Variants in PPP2R2B observed in about 807,000 individuals in gnomAD.
PPP2R2B encodes the protein serine/threonine-protein phosphatase 2A 55 kDa regulatory subunit B beta isoform.
PPP2R2B carries 5 observed loss-of-function variants against 46.0 expected under a neutral mutation model. That is an observed-to-expected ratio of 0.11 (90% CI 0.06 to 0.23). The LOEUF is 0.23. PPP2R2B is among the 10% of genes least tolerant of loss of function. The pLI, the probability that PPP2R2B is intolerant of heterozygous loss-of-function variation, is 1.00. For synonymous variants in PPP2R2B, 215 were observed against 206.7 expected, an observed-to-expected ratio of 1.04 and a Z score of -0.34; for missense variants, 367 against 575.0, an observed-to-expected ratio of 0.64 and a Z score of 3.70.
At chr5:146,600,253 A>G (rs1157446362) in intron 8 of PPP2R2B, 38 bp downstream of exon 8, 1 of 1,592,656 alleles carries the variant, frequency 6.3e-7, no homozygotes. Context: ...TCATGAAGGG[A>G]ATGTTCAATA....
chr5:146,782,816 C>CAGG (rs71001404), intron 2 of PPP2R2B, among the ~76,000 whole-genome samples: 130,193 of 151,538 alleles, frequency 0.86, 56,006 homozygotes, highest in East Asian at 0.92. Flanking sequence ...GGAGAGGAAA[C>CAGG]AGAAGAAAGA....
At chr5:146,891,999 G>A (rs559019186) in intron 1 of PPP2R2B, among the ~76,000 whole-genome samples, 1 of 152,322 alleles carries the variant, frequency 6.6e-6, no homozygotes, top group South Asian at 2.1e-4. Flanking sequence ...AAGACTCATG[G>A]AGCGATTACC....
At chr5:146,730,976 T>G (rs1283074434) in intron 2 of PPP2R2B, among the ~76,000 whole-genome samples, 2 of 152,062 alleles carry the variant, frequency 1.3e-5, no homozygotes, top group African/African-American at 4.8e-5. Context: ...AGGCTCACAG[T>G]GGAAAGGGTT....
At chr5:146,846,210 C>T (rs902098710) in intron 2 of PPP2R2B, among the ~76,000 whole-genome samples, 1 of 151,084 alleles carries the variant, frequency 6.6e-6, no homozygotes. Flanking sequence ...CAAAACCCGT[C>T]TCTACAAGAA....
chr5:146,996,010 T>C (rs567080480), intron 1 of PPP2R2B, among the ~76,000 whole-genome samples: 1 of 152,290 alleles, frequency 6.6e-6, no homozygotes, highest in Admixed American at 6.5e-5. Context: ...AAACACTCAA[T>C]GACAATTTTT....
chr5:146,622,709 T>C (rs1773788354), intron 7 of PPP2R2B, among the ~76,000 whole-genome samples: 1 of 152,172 alleles, frequency 6.6e-6, no homozygotes, highest in Non-Finnish European at 1.5e-5. Context: ...TTCTGAAAAG[T>C]TGAGTTGGAA....
intron 1 of PPP2R2B, among the ~76,000 whole-genome samples, chr5:146,983,426 C>T (rs548513305): frequency 1.3e-5 from 2 of 152,020 alleles, no homozygotes; most frequent in South Asian, 2.1e-4. Flanking sequence ...GTGATCTGCC[C>T]GCCTTGGCCT....
At chr5:147,078,562 C>T (rs1254467371) in intron 2 of PPP2R2B, among the ~76,000 whole-genome samples, 4 of 151,936 alleles carry the variant, frequency 2.6e-5, no homozygotes, top group South Asian at 2.1e-4. Flanking sequence ...CCAAGGCAGG[C>T]GGATCACGAG....
chr5:146,924,902 G>A (rs1449146209), intron 1 of PPP2R2B, among the ~76,000 whole-genome samples: 1 of 152,114 alleles, frequency 6.6e-6, no homozygotes, highest in Non-Finnish European at 1.5e-5. Flanking sequence ...GTATTCCACG[G>A]TGTATATGTG....
At chr5:147,064,814 A>G (rs1757372076) in intron 2 of PPP2R2B, among the ~76,000 whole-genome samples, 1 of 152,214 alleles carries the variant, frequency 6.6e-6, no homozygotes, top group East Asian at 1.9e-4. Flanking sequence ...TTCCAGGATA[A>G]ATCATTTAAA....
At chr5:146,946,236 G>A (rs990494973) in intron 1 of PPP2R2B, among the ~76,000 whole-genome samples, 1 of 152,106 alleles carries the variant, frequency 6.6e-6, no homozygotes, top group Admixed American at 6.6e-5. Flanking sequence ...ACTTGAAGCA[G>A]TACCAGATGA....
At position 146,714,156 on chromosome 5, in the gene PPP2R2B, A is replaced by C. The variant is rs1241910406; in HGVS notation, c.71-13014T>G. ...GATAATAAGAAAATCAAAGAAACGT[A>C]ATGTCCTGGAAACCAAGTGAAGTTC... On this transcript the variant is annotated intron_variant, in intron 2 of 9. Transcript: ENST00000394411. Among the ~76,000 whole-genome samples the C allele has an allele frequency of 2.6e-5, 4 of 152,272 alleles. No individual in the cohort carries two copies. The East Asian group carries it at 7.7e-4, about 29-fold the overall frequency.
intron 2 of PPP2R2B, among the ~76,000 whole-genome samples, chr5:147,063,274 G>A (rs112998873): frequency 0.039 from 5,946 of 152,120 alleles, 171 homozygotes; most frequent in African/African-American, 0.079. Context: ...GAATTTGCAC[G>A]TGTGAAGATA....
intron 2 of PPP2R2B, among the ~76,000 whole-genome samples, chr5:147,077,047 T>C (rs971781873): frequency 6.7e-6 from 1 of 148,498 alleles, no homozygotes; most frequent in African/African-American, 2.5e-5. Context: ...GGTAATGGCC[T>C]GATATATATA....
intron 2 of PPP2R2B, among the ~76,000 whole-genome samples, chr5:147,074,129 A>G (rs919810345): frequency 5.3e-5 from 8 of 152,192 alleles, no homozygotes; most frequent in African/African-American, 1.9e-4. Flanking sequence ...CTCTAGAGGT[A>G]GAATCTAGTA....
At chr5:146,759,629 T>A (rs756261897) in intron 2 of PPP2R2B, among the ~76,000 whole-genome samples, 1 of 152,162 alleles carries the variant, frequency 6.6e-6, no homozygotes, top group African/African-American at 2.4e-5. Context: ...ATTAGGTGCA[T>A]CCCTTCCTGT....
At chr5:146,674,584 G>T (rs1230093144) in intron 5 of PPP2R2B, among the ~76,000 whole-genome samples, 1 of 152,094 alleles carries the variant, frequency 6.6e-6, no homozygotes, top group Non-Finnish European at 1.5e-5. Context: ...GAATGTAATT[G>T]ACAGCTCATA....
intron 1 of PPP2R2B, among the ~76,000 whole-genome samples, chr5:146,990,577 A>G (rs985470490): frequency 6.6e-6 from 1 of 152,148 alleles, no homozygotes; most frequent in Non-Finnish European, 1.5e-5. Context: ...CTCTAAATAA[A>G]TTAAGACAAA....
At chr5:146,848,598 A>G (rs319144) in intron 2 of PPP2R2B, among the ~76,000 whole-genome samples, 19,498 of 152,076 alleles carry the variant, frequency 0.13, 2,348 homozygotes, top group African/African-American at 0.32. Context: ...ATCCTATCAC[A>G]TCAATCAAAG....
Sources: allele counts gnomAD v4.1 joint callset (sites outside exome capture counted in the v4.1 genomes callset), GRCh38; gene constraint gnomAD v4.1.1; transcripts MANE v1.5; gene names NCBI Gene and HGNC (gene_info 2026-07-23, HGNC 2026-07-21).